The following PTPRM variants were observed in gnomAD, a reference collection of about 807,000 sequenced individuals.
PTPRM encodes protein tyrosine phosphatase receptor type M.
PTPRM carries 47 observed loss-of-function variants against 186.7 expected under a neutral mutation model. The observed-to-expected ratio is 0.25, with a 90% CI of 0.20 to 0.32. The LOEUF is 0.32. Among genes scored for constraint, PTPRM ranks in the 10% least tolerant of loss-of-function variants. The pLI, the probability that PTPRM is intolerant of heterozygous loss-of-function variation, is 1.00. For missense variants in PTPRM, 1,494 were observed against 1,865.0 expected (o/e 0.80, Z 3.66); for synonymous variants, 668 against 674.9 (o/e 0.99, Z 0.16).
chr18:8,380,144 C>G, intron 28 of PTPRM, 152 bp from the exon 29 acceptor site: 16 of 724,242 alleles, frequency 2.2e-5, no homozygotes, highest in Admixed American at 5.7e-5. Context: ...TATATTTAGT[C>G]TATGTTGGTG....
At chr18:8,127,953 C>G (rs1407978115) in intron 13 of PTPRM, among the ~76,000 whole-genome samples, 1 of 152,112 alleles carries the variant, frequency 6.6e-6, no homozygotes, top group African/African-American at 2.4e-5. Flanking sequence ...CTTCCATAAG[C>G]TTACCAACAC....
chr18:8,292,513 C>T (rs1292200384), intron 19 of PTPRM, among the ~76,000 whole-genome samples: 2 of 152,198 alleles, frequency 1.3e-5, no homozygotes, highest in Admixed American at 1.3e-4. Context: ...ATGCAAGACA[C>T]CATCACCCTA....
intron 14 of PTPRM, among the ~76,000 whole-genome samples, chr18:8,167,348 T>A (rs952824583): frequency 6.6e-6 from 1 of 152,214 alleles, no homozygotes; most frequent in Non-Finnish European, 1.5e-5. Flanking sequence ...TGTTGCTTTG[T>A]GTACACTTCA....
intron 24 of PTPRM, among the ~76,000 whole-genome samples, chr18:8,372,921 G>A (rs2095672184): frequency 6.6e-6 from 1 of 152,032 alleles, no homozygotes; most frequent in Admixed American, 6.6e-5. Flanking sequence ...GTAGCTAAAG[G>A]AAGGGTTTGT....
intron 1 of PTPRM, among the ~76,000 whole-genome samples, chr18:7,669,191 G>A (rs572031975): frequency 4.6e-5 from 7 of 152,130 alleles, no homozygotes; most frequent in African/African-American, 1.4e-4. Context: ...GGGAGCTTTC[G>A]GAGGCTTAGG....
intron 7 of PTPRM, among the ~76,000 whole-genome samples, chr18:7,973,248 G>T (rs1039142032): frequency 6.6e-6 from 1 of 152,052 alleles, no homozygotes; most frequent in Non-Finnish European, 1.5e-5. Context: ...TAAGTTTACA[G>T]TTTTAAGGTA....
chr18:8,090,363 A>G (rs1287822351), intron 11 of PTPRM, among the ~76,000 whole-genome samples: 1 of 152,176 alleles, frequency 6.6e-6, no homozygotes, highest in Non-Finnish European at 1.5e-5. Context: ...TCAATATTTT[A>G]CTGCAAAGCA....
intron 7 of PTPRM, among the ~76,000 whole-genome samples, chr18:8,052,060 T>TGAA (rs754103297): frequency 1.3e-3 from 196 of 152,274 alleles, no homozygotes; most frequent in Non-Finnish European, 1.8e-3. Context: ...AGTGTGCAGG[T>TGAA]GAAGATTCAG....
intron 1 of PTPRM, among the ~76,000 whole-genome samples, chr18:7,704,908 CAATT>C (rs1027448070): frequency 6.6e-6 from 1 of 152,062 alleles, no homozygotes; most frequent in Non-Finnish European, 1.5e-5. Flanking sequence ...TTACATTATT[CAATT>C]TTTAGAGAAA....
intron 31 of PTPRM, among the ~76,000 whole-genome samples, chr18:8,388,127 T>C (rs1012630424): frequency 3.9e-5 from 6 of 152,178 alleles, no homozygotes; most frequent in African/African-American, 1.2e-4. Context: ...TCACCTGCAT[T>C]TTCTCATTGG....
chr18:7,914,291 A>G lies in PTPRM; in HGVS notation c.547+7708A>G, dbSNP rs527429365. Among the ~76,000 whole-genome samples, 20 of 152,276 alleles carry G rather than the reference A, an allele frequency of 1.3e-4. No individual in the cohort carries two copies. In the South Asian group the frequency reaches 3.7e-3, roughly 28 times the overall value. ...TCTTCTTAAGATAGAGTCGACTTCTAAAAGTTATTTATATGTAGTGGCTAC... is the reference window on the plus strand; with the variant it reads ...TCTTCTTAAGATAGAGTCGACTTCTGAAAGTTATTTATATGTAGTGGCTAC... On this transcript the variant is annotated intron_variant, in intron 4 of 32. Coordinates refer to ENST00000580170, the MANE Select transcript of PTPRM (RefSeq NM_001105244.2).
chr18:8,248,826 G>A (rs2094501109), intron 17 of PTPRM, among the ~76,000 whole-genome samples: 1 of 152,170 alleles, frequency 6.6e-6, no homozygotes, highest in South Asian at 2.1e-4. Flanking sequence ...TTTATTATGT[G>A]TCAGATGTCA....
At chr18:7,989,455 T>C (rs1314500468) in intron 7 of PTPRM, among the ~76,000 whole-genome samples, 1 of 152,226 alleles carries the variant, frequency 6.6e-6, no homozygotes, top group Non-Finnish European at 1.5e-5. Context: ...CATGCCTCCT[T>C]GAGCAGGACG....
chr18:8,385,343 A>G (rs28469043), intron 30 of PTPRM, among the ~76,000 whole-genome samples: 3,207 of 152,326 alleles, frequency 0.021, 102 homozygotes, highest in African/African-American at 0.072. Context: ...CAGATACAAT[A>G]ATAGATGTAG....
intron 1 of PTPRM, among the ~76,000 whole-genome samples, chr18:7,685,619 G>T (rs1390121494): frequency 2.0e-5 from 3 of 152,142 alleles, no homozygotes; most frequent in Admixed American, 6.5e-5. Context: ...TTGATTGTAT[G>T]AATGGGCAAA....
chr18:7,918,367 G>GGTT (rs1222644012), intron 4 of PTPRM, among the ~76,000 whole-genome samples: 2 of 151,854 alleles, frequency 1.3e-5, no homozygotes, highest in Non-Finnish European at 2.9e-5. Context: ...ACTGTACAAG[G>GGTT]GTTCCCCTTT....
intron 2 of PTPRM, among the ~76,000 whole-genome samples, chr18:7,827,857 ATTAC>A (rs964198840): frequency 6.6e-6 from 1 of 152,158 alleles, no homozygotes; most frequent in Admixed American, 6.5e-5. Context: ...GGCGTGATTA[ATTAC>A]TTGCTAGAAA....
chr18:8,140,443 TTTTGTTTG>T (rs35892467), intron 13 of PTPRM, among the ~76,000 whole-genome samples: 290 of 143,786 alleles, frequency 2.0e-3, no homozygotes, highest in Non-Finnish European at 3.3e-3. Flanking sequence ...TTTTGAGTTT[TTTTGTTTG>T]TTTGTTTGTT....
At chr18:7,841,496 A>G (rs553095249) in intron 2 of PTPRM, among the ~76,000 whole-genome samples, 1 of 151,658 alleles carries the variant, frequency 6.6e-6, no homozygotes, top group African/African-American at 2.4e-5. Context: ...GGTTTTCACC[A>G]TGTTTGCCAG....
Sources: allele counts gnomAD v4.1 joint callset (sites outside exome capture counted in the v4.1 genomes callset), GRCh38; gene constraint gnomAD v4.1.1; transcripts MANE v1.5; gene names NCBI Gene and HGNC (gene_info 2026-07-23, HGNC 2026-07-21).